Variants in DLG4 observed in about 807,000 individuals in gnomAD.
The protein encoded by DLG4 is discs large MAGUK scaffold protein 4.
In DLG4, 7 loss-of-function variants were observed where a neutral mutation model predicts 93.8. The ratio of observed to expected loss-of-function variants is 0.07; its 90% CI spans 0.04 to 0.14. The LOEUF (loss-of-function observed/expected upper bound fraction) is 0.14, where lower values mean the gene tolerates loss of function less well. Among genes scored for constraint, DLG4 ranks in the 10% least tolerant of loss-of-function variants. DLG4 has a pLI of 1.00. For missense variants in DLG4, 545 were observed against 992.9 expected, an observed-to-expected ratio of 0.55 and a Z score of 6.06; for synonymous variants, 341 against 387.6, an observed-to-expected ratio of 0.88 and a Z score of 1.41.
rs758618486 is a variant in DLG4, at chr17:7,203,041, T to A, written c.649A>T (p.Ser217Cys). The stretch of plus-strand genomic sequence containing the variant: ...TGCATGACGTCCTCTAGCCCCACAC[T>A]GTTGACCTGGAGTCAAGGAAAGCAA... Reference protein sequence around the residue: ...QIGDKILAVNSVGLEDVMHED... With the variant: ...QIGDKILAVNCVGLEDVMHED... Residue 217 changes from serine (S) to cysteine (C), a missense_variant, in exon 8 of 20, where the codon AGT becomes TGT. Physicochemically the swap from Ser to Cys is moderately radical, Grantham distance 112 (BLOSUM62 -1). Coordinates refer to ENST00000399506, the MANE Select transcript of DLG4 (RefSeq NM_001321075.3). This position sits in a 1 kb window ranked among gnomAD's most constrained non-coding sequence, Gnocchi z 7.2. 1 of 1,602,446 alleles carries A rather than the reference T, an allele frequency of 6.2e-7. No homozygotes were observed. The highest frequency in any genetic ancestry group is 8.5e-7 in the Non-Finnish European group (1 of 1,170,122).
rs115509796 is a variant in DLG4 at position 7,201,287 on chromosome 17, C to T, written c.787+1616G>A. Among the ~76,000 whole-genome samples the T allele has an allele frequency of 8.6e-3, 1,307 of 152,324 alleles. 18 individuals carry two copies. The highest frequency in any genetic ancestry group is 0.027 in the African/African-American group (1,114 of 41,556). On this transcript the variant is annotated intron_variant, in intron 8 of 19. Transcript: ENST00000399506. ...TTTTGTTTTTCCCTTCCAAATGTAACTATTCTCCTTGTCTTGTTACACTGT... is the reference window on the plus strand; with the variant it reads ...TTTTGTTTTTCCCTTCCAAATGTAATTATTCTCCTTGTCTTGTTACACTGT...
chr17:7,217,298 G>T lies in DLG4; in HGVS notation c.-151C>A. 9.0e-7 allele frequency: 1 copy of T among 1,116,894 alleles called. No homozygotes were observed. Among genetic ancestry groups the T allele is most frequent in the Non-Finnish European group, 1.1e-6 (1 of 871,912 alleles). The allele number at this position is 1,116,894 out of a possible 1,614,324, so 69.2% of individuals were successfully genotyped here. ...GGGGAGGGGTGAGAGGGGAAGGAGGGGGTTGGAGAAGGGAAGGGGAGGGGA... is the reference window on the plus strand; with the variant it reads ...GGGGAGGGGTGAGAGGGGAAGGAGGTGGTTGGAGAAGGGAAGGGGAGGGGA... On this transcript the variant is annotated 5_prime_UTR_variant, in exon 1 of 20. Coordinates refer to ENST00000399506, the MANE Select transcript of DLG4 (RefSeq NM_001321075.3).
intron 1 of DLG4, among the ~76,000 whole-genome samples, chr17:7,214,409 A>C (rs1353486385): frequency 6.7e-6 from 1 of 150,048 alleles, no homozygotes; most frequent in Non-Finnish European, 1.5e-5. Flanking sequence ...GACCCCACCC[A>C]CCTGCCCGGG....
chr17:7,218,161 G>A (rs1567556126), upstream of DLG4: 2 of 1,304,606 alleles, frequency 1.5e-6, no homozygotes, highest in South Asian at 1.3e-5. Context: ...AAGATTCCAG[G>A]TAATATTAGT....
intron 8 of DLG4, among the ~76,000 whole-genome samples, chr17:7,199,804 C>T (rs1174095894): frequency 1.3e-5 from 2 of 151,464 alleles, no homozygotes; most frequent in African/African-American, 4.8e-5. Flanking sequence ...CGGTGAAACC[C>T]CATCTCTACT....
intron 8 of DLG4, among the ~76,000 whole-genome samples, chr17:7,199,848 T>C (rs1315326078): frequency 6.6e-6 from 1 of 151,528 alleles, no homozygotes; most frequent in Non-Finnish European, 1.5e-5. Flanking sequence ...GGCGTGGTGG[T>C]GGGCACCTGT....
intron 8 of DLG4, among the ~76,000 whole-genome samples, chr17:7,200,327 G>A (rs568472290): frequency 2.6e-5 from 4 of 152,214 alleles, no homozygotes; most frequent in East Asian, 1.9e-4. Context: ...CCAGAGACAC[G>A]GTGTGACTCC....
chr17:7,200,592 G>T (rs1265195565), intron 8 of DLG4, among the ~76,000 whole-genome samples: 1 of 151,704 alleles, frequency 6.6e-6, no homozygotes. Flanking sequence ...TGTTGCCCAG[G>T]CTGGAGTGCA....
Position 7,208,287 on chromosome 17 carries a change from G to T in DLG4, c.31-48C>A. On this transcript the variant is annotated intron_variant, in intron 1 of 19. Transcript: ENST00000399506. This position sits in a 1 kb window ranked among gnomAD's most constrained non-coding sequence, Gnocchi z 5.4. ...CACTGGGGCCAGCCCGGTGCCTCAGGCTCCAGGCTGGCCGCCCTGGCCGCC... is the reference window on the plus strand; with the variant it reads ...CACTGGGGCCAGCCCGGTGCCTCAGTCTCCAGGCTGGCCGCCCTGGCCGCC... 1 of 1,307,194 alleles carries T rather than the reference G, an allele frequency of 7.6e-7. No individual in the cohort carries two copies. The highest frequency in any genetic ancestry group is 9.8e-7 in the Non-Finnish European group (1 of 1,019,386). The allele number at this position is 1,307,194 out of a possible 1,614,324, so 81.0% of individuals were successfully genotyped here.
upstream of DLG4, chr17:7,219,995 C>G: frequency 6.2e-7 from 1 of 1,603,222 alleles, no homozygotes; most frequent in Non-Finnish European, 8.5e-7. Context: ...ATGCAGGCGG[C>G]TCGGATGGCC....
upstream of DLG4, chr17:7,220,001 T>C (rs1165009307): frequency 6.2e-7 from 1 of 1,603,938 alleles, no homozygotes; most frequent in African/African-American, 1.3e-5. Flanking sequence ...GCGGCTCGGA[T>C]GGCCGCGAGC....
In DLG4 at chr17:7,191,389, A is replaced by C; in HGVS notation, c.1977-31T>G. 1 of 1,583,582 alleles carries C rather than the reference A, an allele frequency of 6.3e-7. No individual in the cohort carries two copies. The highest frequency in any genetic ancestry group is 8.7e-7 in the Non-Finnish European group (1 of 1,152,820). On this transcript the variant is annotated intron_variant, in intron 18 of 19. Coordinates refer to ENST00000399506, the MANE Select transcript of DLG4 (RefSeq NM_001321075.3). The surrounding 1 kb of genome is among the most constrained non-coding windows in gnomAD (Gnocchi z 6.6). ...AAGAGGGAGGGAGAGCAGGCCTGAG[A>C]CTGGACCCACCTGACCCTGCCTTTT...
intron 1 of DLG4, 68 bp downstream of exon 1, chr17:7,217,050 A>C: frequency 8.1e-7 from 1 of 1,232,606 alleles, no homozygotes; most frequent in Non-Finnish European, 1.0e-6. Flanking sequence ...GTCCCAGATA[A>C]GGCCTACTAA....
chr17:7,217,590 G>GGAGCCGT lies in DLG4; in HGVS notation c.-450_-444dup, dbSNP rs2070989208. The GGAGCCGT allele has an allele frequency of 1.4e-6, 2 of 1,397,592 alleles. No homozygotes were observed. Among genetic ancestry groups the GGAGCCGT allele is most frequent in the Admixed American group, 5.1e-5 (2 of 39,012 alleles). The allele number at this position is 1,397,592 out of a possible 1,614,324, so 86.6% of individuals were successfully genotyped here. On this transcript the variant is annotated 5_prime_UTR_variant, in exon 1 of 20. Transcript: ENST00000399506. ...GGGGTTGGAAACGGCAGCGGCCGAGGGAGCCGTGGAGCCGAAGAGGGAAGG... is the reference window on the plus strand; with the variant it reads ...GGGGTTGGAAACGGCAGCGGCCGAGGGAGCCGTGAGCCGTGGAGCCGAAGAGGGAAGG...
chr17:7,218,819 CCT>C (rs748206095), upstream of DLG4: 6 of 1,613,668 alleles, frequency 3.7e-6, no homozygotes, highest in African/African-American at 6.7e-5. Flanking sequence ...CACAAGGAGC[CCT>C]GTTTTTCACC....
chr17:7,203,888 T>TC lies in DLG4; in HGVS notation c.211-73_211-72insG, dbSNP rs2070303518. ...CTGGCAAGGCAAGTGGGGTGGGAAA[T>TC]GGCTTGGAGCAGCCAGAGGAGGAAG... On this transcript the variant is annotated intron_variant, in intron 4 of 19. Coordinates refer to ENST00000399506, the MANE Select transcript of DLG4 (RefSeq NM_001321075.3). The surrounding 1 kb of genome is among the most constrained non-coding windows in gnomAD (Gnocchi z 7.2). 1 of 1,597,552 alleles carries TC rather than the reference T, an allele frequency of 6.3e-7. No individual in the cohort carries two copies. Among genetic ancestry groups the TC allele is most frequent in the Admixed American group, 1.8e-5 (1 of 57,006 alleles).
chr17:7,199,872 C>G lies in DLG4; in HGVS notation c.788-2820G>C, dbSNP rs1044450246. 1.7e-3 allele frequency among the ~76,000 whole-genome samples: 254 copies of G among 149,996 alleles called. 10 individuals are homozygous for G. The Admixed American group carries it at 0.017, about 10-fold the overall frequency. ...GTGGGCACCTGTAGTCCCAGCTACT[C>G]GGGAGGCTGAGGCAGGAGAATGGCA... On this transcript the variant is annotated intron_variant, in intron 8 of 19. Coordinates refer to ENST00000399506, the MANE Select transcript of DLG4 (RefSeq NM_001321075.3).
chr17:7,215,591 G>T (rs1701059579), intron 1 of DLG4, among the ~76,000 whole-genome samples: 1 of 152,136 alleles, frequency 6.6e-6, no homozygotes, highest in South Asian at 2.1e-4. Flanking sequence ...GAAACTACAG[G>T]GGATGTGGGG....
At chr17:7,211,117 G>A (rs1169078903) in intron 1 of DLG4, among the ~76,000 whole-genome samples, 1 of 140,102 alleles carries the variant, frequency 7.1e-6, no homozygotes, top group Admixed American at 7.1e-5. Context: ...GGGGAGAAAC[G>A]TCGGGAGGGG....
Sources: allele counts gnomAD v4.1 joint callset (sites outside exome capture counted in the v4.1 genomes callset), GRCh38; gene constraint gnomAD v4.1.1; non-coding constraint Gnocchi (gnomAD v3.1); transcripts MANE v1.5; gene names NCBI Gene and HGNC (gene_info 2026-07-23, HGNC 2026-07-21).